ESR1: variants seen among roughly 807,000 people sequenced by gnomAD.
ESR1 encodes estrogen receptor 1, also known as estrogen receptor.
ESR1 carries 12 observed loss-of-function variants against 52.7 expected under a neutral mutation model. The observed-to-expected ratio is 0.23, with a 90% CI of 0.15 to 0.37. The LOEUF is 0.37. ESR1 is among the 10% of genes least tolerant of loss of function. The pLI is 1.00. For missense variants in ESR1, 584 were observed against 779.7 expected (o/e 0.75, Z 2.99); for synonymous variants, 305 against 316.8 (o/e 0.96, Z 0.39).
At chr6:151,759,268 CAAAAAAAAAA>C (rs984171376) in intron 2 of ESR1, among the ~76,000 whole-genome samples, 1 of 66,434 alleles carries the variant, frequency 1.5e-5, no homozygotes, top group African/African-American at 4.5e-5. Flanking sequence ...GACTCTGTCT[CAAAAAAAAAA>C]AAAAAAAAAA....
intron 4 of ESR1, among the ~76,000 whole-genome samples, chr6:151,961,850 G>C (rs74912803): frequency 1.3e-5 from 2 of 152,154 alleles, no homozygotes; most frequent in African/African-American, 4.8e-5. Flanking sequence ...AAGCCCACCC[G>C]GTGTTGGGTT....
intron 1 of ESR1, among the ~76,000 whole-genome samples, chr6:151,683,367 G>C (rs1039491048): frequency 2.0e-5 from 3 of 151,698 alleles, no homozygotes; most frequent in African/African-American, 7.3e-5. Context: ...GTGAATGCAG[G>C]TCTCTTTGGA....
chr6:151,753,129 C>T (rs1005696215), intron 2 of ESR1, among the ~76,000 whole-genome samples: 1 of 152,172 alleles, frequency 6.6e-6, no homozygotes, highest in African/African-American at 2.4e-5. Flanking sequence ...TCACCAACTA[C>T]ACAGCTTCTT....
chr6:151,917,803 C>T (rs137861928), intron 3 of ESR1, among the ~76,000 whole-genome samples: 2 of 152,264 alleles, frequency 1.3e-5, no homozygotes, highest in Admixed American at 6.5e-5. Flanking sequence ...GGGAAAGGAA[C>T]GTTGCAGTAA....
At chr6:152,022,020 C>T (rs2043698806) in intron 5 of ESR1, among the ~76,000 whole-genome samples, 1 of 152,148 alleles carries the variant, frequency 6.6e-6, no homozygotes. Context: ...TCTTTATCAG[C>T]AGCATGAAAA....
At chr6:151,796,227 T>C (rs1156950230) in intron 2 of ESR1, among the ~76,000 whole-genome samples, 1 of 149,292 alleles carries the variant, frequency 6.7e-6, no homozygotes, top group Non-Finnish European at 1.5e-5. Flanking sequence ...TTTAGTGAAA[T>C]AGAAAGATAT....
At chr6:152,121,154 C>T (rs1429385842) in intron 6 of ESR1, among the ~76,000 whole-genome samples, 2 of 152,166 alleles carry the variant, frequency 1.3e-5, no homozygotes, top group South Asian at 2.1e-4. Context: ...TAAAATGCCA[C>T]GAGCATCACA....
intron 4 of ESR1, among the ~76,000 whole-genome samples, chr6:151,963,104 C>A (rs1397202797): frequency 1.3e-5 from 2 of 152,124 alleles, no homozygotes; most frequent in Admixed American, 1.3e-4. Flanking sequence ...CCCTCCCTCC[C>A]TTCCTTTGCT....
chr6:151,837,621 A>G (rs1783576639), intron 1 of ESR1, among the ~76,000 whole-genome samples: 1 of 152,144 alleles, frequency 6.6e-6, no homozygotes, highest in African/African-American at 2.4e-5. Flanking sequence ...ATTGTCATAG[A>G]TGCGTTCATT....
chr6:151,814,147 T>C (rs1228719726), intron 1 of ESR1: 1 of 152,238 alleles, frequency 6.6e-6, no homozygotes, highest in Non-Finnish European at 1.5e-5. Context: ...TCCTGGGCAG[T>C]TTTCTTGGCT....
rs75535684 is a variant in ESR1, at chr6:152,052,805, C to T, written c.1236-8186C>T. Among the ~76,000 whole-genome samples the T allele has an allele frequency of 1.2e-4, 19 of 152,132 alleles. No homozygotes were observed. In the East Asian group the frequency reaches 2.7e-3, roughly 22 times the overall value. On this transcript the variant is annotated intron_variant, in intron 5 of 7. Coordinates refer to ENST00000206249, the MANE Select transcript of ESR1 (RefSeq NM_000125.4). ...GCGGTGGTGATCCAAGCAGACAGCA[C>T]GGGCAAGTGTTCTGGAAAACTTGCC...
intron 2 of ESR1, among the ~76,000 whole-genome samples, chr6:151,845,396 C>T (rs1333864302): frequency 1.3e-5 from 2 of 152,002 alleles, no homozygotes; most frequent in African/African-American, 2.4e-5. Flanking sequence ...TGGTGAAACC[C>T]CATCTCTACT....
rs73009815 is a variant in ESR1, at chr6:151,977,262, C to T, written c.1096+32754C>T. On this transcript the variant is annotated intron_variant, in intron 4 of 7. Coordinates refer to ENST00000206249, the MANE Select transcript of ESR1 (RefSeq NM_000125.4). ...AATCCGAGGTTCCAAATGGTAAATC[C>T]GTGGTGACATTGGGGTGACCGAGAA... 1.0e-2 allele frequency among the ~76,000 whole-genome samples: 1,519 copies of T among 151,966 alleles called. 11 individuals are homozygous for T. Among genetic ancestry groups the T allele is most frequent in the Middle Eastern group, 0.02 (6 of 294 alleles).
intron 4 of ESR1, among the ~76,000 whole-genome samples, chr6:151,962,413 C>T (rs1157382651): frequency 1.3e-5 from 2 of 152,146 alleles, no homozygotes; most frequent in Non-Finnish European, 2.9e-5. Context: ...TCTGCCATCC[C>T]CCACTTGCCT....
At chr6:152,026,500 C>T (rs546102811) in intron 5 of ESR1, among the ~76,000 whole-genome samples, 16 of 151,956 alleles carry the variant, frequency 1.1e-4, no homozygotes, top group East Asian at 9.7e-4. Context: ...AGTCTACAAT[C>T]GGATTTTACT....
chr6:152,072,420 AC>A (rs1400238205), intron 6 of ESR1, among the ~76,000 whole-genome samples: 2 of 152,026 alleles, frequency 1.3e-5, no homozygotes, highest in East Asian at 3.8e-4. Context: ...CTCTTTAAAA[AC>A]TTTTCTAGGG....
At chr6:151,672,760 A>G (rs1778112416) in intron 1 of ESR1, among the ~76,000 whole-genome samples, 1 of 106,690 alleles carries the variant, frequency 9.4e-6, no homozygotes, top group African/African-American at 3.9e-5. Context: ...GGCGTGAGCC[A>G]CCATGCCCGC....
intron 3 of ESR1, among the ~76,000 whole-genome samples, chr6:151,883,886 A>G (rs1583934439): frequency 6.6e-6 from 1 of 152,282 alleles, no homozygotes; most frequent in East Asian, 1.9e-4. Flanking sequence ...TTACGAAGAC[A>G]CCAGTCATAT....
chr6:151,796,261 C>A (rs1583322396), intron 2 of ESR1, among the ~76,000 whole-genome samples: 1 of 148,322 alleles, frequency 6.7e-6, no homozygotes, highest in Middle Eastern at 3.5e-3. Context: ...CTAATAAAAA[C>A]AAAAAAAAAC....
Sources: allele counts gnomAD v4.1 joint callset (sites outside exome capture counted in the v4.1 genomes callset), GRCh38; gene constraint gnomAD v4.1.1; transcripts MANE v1.5; gene names NCBI Gene and HGNC (gene_info 2026-07-23, HGNC 2026-07-21).